Variants in GRID2 observed in about 807,000 individuals in gnomAD.
GRID2 encodes the protein glutamate receptor ionotropic, delta-2.
Under a neutral mutation model 114.8 loss-of-function variants are expected in GRID2, and 33 were observed. The ratio of observed to expected loss-of-function variants is 0.29; its 90% CI spans 0.22 to 0.38. GRID2 has a LOEUF of 0.38. Among genes scored for constraint, GRID2 ranks in the 10% least tolerant of loss-of-function variants. The pLI is 1.00. For missense variants in GRID2, 1,184 were observed against 1,257.7 expected (o/e 0.94, Z 0.89); for synonymous variants, 505 against 449.9 (o/e 1.12, Z -1.55).
chr4:92,852,877 G>C (rs1455646955), intron 2 of GRID2, among the ~76,000 whole-genome samples: 3 of 151,794 alleles, frequency 2.0e-5, no homozygotes, highest in Admixed American at 2.0e-4. Context: ...TAAATTTTCA[G>C]CTTCATTGTT....
intron 2 of GRID2, among the ~76,000 whole-genome samples, chr4:92,845,443 C>G (rs1307075717): frequency 1.3e-5 from 2 of 152,042 alleles, no homozygotes; most frequent in African/African-American, 4.8e-5. Flanking sequence ...TTGACAACAC[C>G]TCTTTGTAAA....
At chr4:93,260,074 A>G (rs1180211634) in intron 8 of GRID2, among the ~76,000 whole-genome samples, 1 of 151,650 alleles carries the variant, frequency 6.6e-6, no homozygotes, top group African/African-American at 2.4e-5. Context: ...AAATTATTCT[A>G]CCTTGAATTG....
intron 2 of GRID2, among the ~76,000 whole-genome samples, chr4:92,883,361 G>T (rs1746149903): frequency 6.6e-6 from 1 of 152,108 alleles, no homozygotes; most frequent in African/African-American, 2.4e-5. Context: ...CTCCACTGAA[G>T]TCTTGAACTT....
At chr4:93,070,807 T>A (rs1355555707) in intron 2 of GRID2, among the ~76,000 whole-genome samples, 1 of 152,080 alleles carries the variant, frequency 6.6e-6, no homozygotes, top group African/African-American at 2.4e-5. Flanking sequence ...ACTTTTGAAA[T>A]GAATGTTTAC....
intron 2 of GRID2, among the ~76,000 whole-genome samples, chr4:92,729,417 C>G (rs772897309): frequency 1.4e-4 from 21 of 151,922 alleles, no homozygotes; most frequent in Non-Finnish European, 2.5e-4. Context: ...GTTCACCACC[C>G]TTACTTTTAG....
intron 2 of GRID2, among the ~76,000 whole-genome samples, chr4:92,636,606 G>A (rs1731077689): frequency 6.6e-6 from 1 of 152,008 alleles, no homozygotes. Context: ...AAATTATTCA[G>A]TTGTACATTC....
rs901161132 is a variant in GRID2, at chr4:93,281,744, C to T, written c.1245+43254C>T. On this transcript the variant is annotated intron_variant, in intron 8 of 15. Coordinates refer to ENST00000282020, the MANE Select transcript of GRID2 (RefSeq NM_001510.4). The stretch of plus-strand genomic sequence containing the variant: ...AGAAGTTCCTTCTTGCTTAAAATTC[C>T]TCATTCTACATTCTCAAAACTTTGA... Among the ~76,000 whole-genome samples the T allele has an allele frequency of 3.3e-5, 5 of 152,028 alleles. No homozygotes were observed. In the South Asian group the frequency reaches 1.0e-3, roughly 32 times the overall value.
intron 10 of GRID2, among the ~76,000 whole-genome samples, chr4:93,453,063 GGT>G (rs1323685353): frequency 1.8e-5 from 2 of 110,184 alleles, no homozygotes; most frequent in East Asian, 5.3e-4. Flanking sequence ...AACAGGCCCC[GGT>G]GTGTGATGTT....
chr4:92,842,758 C>A (rs1260773346), intron 2 of GRID2, among the ~76,000 whole-genome samples: 2 of 151,986 alleles, frequency 1.3e-5, no homozygotes, highest in African/African-American at 4.8e-5. Flanking sequence ...CAGGCATGAG[C>A]CACCATGCCA....
In GRID2 at chr4:92,924,070, T is replaced by C. The variant is rs201976483; in HGVS notation, c.245-160925T>C. Among the ~76,000 whole-genome samples the C allele has an allele frequency of 5.3e-5, 8 of 152,042 alleles. No homozygotes were observed. The East Asian group carries it at 1.5e-3, about 29-fold the overall frequency. On this transcript the variant is annotated intron_variant, in intron 2 of 15. Coordinates refer to ENST00000282020, the MANE Select transcript of GRID2 (RefSeq NM_001510.4). ...TACACCATGGAATACTATGCAGCCA[T>C]AAAAAAGGATAAGTTCGTGTCCTTT... is the stretch of plus-strand genomic sequence containing the variant.
chr4:92,777,549 T>C (rs916350993), intron 2 of GRID2, among the ~76,000 whole-genome samples: 1 of 152,066 alleles, frequency 6.6e-6, no homozygotes, highest in Non-Finnish European at 1.5e-5. Context: ...AACGAGATGA[T>C]CTGGACTGAA....
chr4:93,335,410 G>T (rs1249878414), intron 8 of GRID2, among the ~76,000 whole-genome samples: 1 of 152,050 alleles, frequency 6.6e-6, no homozygotes, highest in Admixed American at 6.6e-5. Flanking sequence ...CACCCAAATT[G>T]AAGAGACTGG....
intron 8 of GRID2, among the ~76,000 whole-genome samples, chr4:93,270,203 CTCACACACACAT>C: frequency 7.6e-6 from 1 of 131,872 alleles, no homozygotes; most frequent in East Asian, 2.2e-4. Flanking sequence ...ATCTCTCTCT[CTCACACACACAT>C]ACACACACAC....
At chr4:93,429,555 G>A (rs773846691) in intron 10 of GRID2, among the ~76,000 whole-genome samples, 6 of 152,044 alleles carry the variant, frequency 3.9e-5, no homozygotes, top group African/African-American at 7.2e-5. Flanking sequence ...TTACCTGAGC[G>A]TTTCCACCAC....
At chr4:93,392,744 T>A (rs975775774) in intron 8 of GRID2, among the ~76,000 whole-genome samples, 1 of 152,066 alleles carries the variant, frequency 6.6e-6, no homozygotes, top group African/African-American at 2.4e-5. Context: ...TAGAAATATC[T>A]TCCCTTCCTA....
intron 12 of GRID2, among the ~76,000 whole-genome samples, chr4:93,496,486 A>C (rs1031692841): frequency 6.6e-6 from 1 of 151,752 alleles, no homozygotes; most frequent in Non-Finnish European, 1.5e-5. Flanking sequence ...GAACTATTCC[A>C]TCACGGCAAA....
intron 1 of GRID2, among the ~76,000 whole-genome samples, chr4:92,407,772 T>G (rs377662577): frequency 6.6e-6 from 1 of 152,158 alleles, no homozygotes; most frequent in African/African-American, 2.4e-5. Flanking sequence ...CATTTTTAAA[T>G]TGGATTATGT....
intron 1 of GRID2, among the ~76,000 whole-genome samples, chr4:92,305,443 G>C (rs867417355): frequency 7.2e-5 from 11 of 152,292 alleles, no homozygotes; most frequent in South Asian, 2.1e-4. Flanking sequence ...CGGCGAAACT[G>C]ACCCCGGGGC....
chr4:93,369,420 A>G (rs1009368242), intron 8 of GRID2, among the ~76,000 whole-genome samples: 4 of 152,212 alleles, frequency 2.6e-5, no homozygotes, highest in Non-Finnish European at 4.4e-5. Flanking sequence ...TCCAAATTTT[A>G]GGATTTAATA....
Sources: gnomAD v4.1 joint callset for allele counts (sites outside exome capture counted in the v4.1 genomes callset) on GRCh38, gnomAD v4.1.1 for gene constraint, MANE v1.5 for transcripts, NCBI Gene and HGNC (gene_info 2026-07-23, HGNC 2026-07-21) for gene names.